Variants in ANKRD31 observed in about 807,000 individuals in gnomAD.
ANKRD31 encodes the protein ankyrin repeat domain-containing protein 31.
Under a neutral mutation model 186.0 loss-of-function variants are expected in ANKRD31, and 147 were observed. The ratio of observed to expected loss-of-function variants is 0.79; its 90% CI spans 0.69 to 0.91. The LOEUF is 0.91. ANKRD31 is among the 40% of genes least tolerant of loss of function. The pLI, the probability that ANKRD31 is intolerant of heterozygous loss-of-function variation, is 0.00. For missense variants in ANKRD31, 1,986 were observed against 2,148.8 expected, an observed-to-expected ratio of 0.92 and a Z score of 1.50; for synonymous variants, 673 against 736.4, an observed-to-expected ratio of 0.91 and a Z score of 1.39.
At chr5:75,101,124 T>A (rs4499813) in intron 22 of ANKRD31, among the ~76,000 whole-genome samples, 2 of 152,084 alleles carry the variant, frequency 1.3e-5, no homozygotes, top group African/African-American at 4.8e-5. Flanking sequence ...GGCCTGGTGG[T>A]GACAAAATCT....
intron 23 of ANKRD31, among the ~76,000 whole-genome samples, chr5:75,087,789 A>G (rs1225218172): frequency 1.3e-5 from 2 of 152,220 alleles, no homozygotes; most frequent in African/African-American, 4.8e-5. Context: ...AATTCATAAT[A>G]TAAGACAGAA....
chr5:75,070,662 T>C (rs1055864108), intron 25 of ANKRD31, among the ~76,000 whole-genome samples: 49 of 152,396 alleles, frequency 3.2e-4, no homozygotes, highest in Middle Eastern at 3.4e-3. Context: ...TCAGTCTTTT[T>C]AAGTTTTGCC....
rs955018772 is a variant in ANKRD31 at position 75,236,582 on chromosome 5, C to T, written c.104+1G>A. The T allele has an allele frequency of 4.6e-6, 7 of 1,536,712 alleles. No individual in the cohort carries two copies. The highest frequency in any genetic ancestry group is 1.7e-4 in the Middle Eastern group (1 of 6,002). The stretch of plus-strand genomic sequence containing the variant: ...GGCACTGTGGCCCTAATGATGGTCA[C>T]CTTCTCCAGGGCAGCTCCTTTTCTT... On this transcript the variant is annotated splice_donor_variant, in intron 1 of 25. Transcript: ENST00000506364. LOFTEE classifies it high-confidence loss of function.
chr5:75,138,035 A>C, intron 16 of ANKRD31, 37 bp from the exon 17 acceptor site: 1 of 1,422,736 alleles, frequency 7.0e-7, no homozygotes, highest in African/African-American at 1.4e-5. Context: ...ACCCTGCTTC[A>C]TGCGAATCAA....
At chr5:75,082,281 T>C (rs1017576001) in intron 24 of ANKRD31, among the ~76,000 whole-genome samples, 1 of 152,126 alleles carries the variant, frequency 6.6e-6, no homozygotes, top group Non-Finnish European at 1.5e-5. Flanking sequence ...TTGGGGCTTG[T>C]TATAGGAAAG....
Position 75,104,958 on chromosome 5 carries a change from G to C in ANKRD31, c.4601C>G (p.Pro1534Arg). Residue 1534 changes from proline to arginine, a missense_variant, in exon 22 of 26, where the codon CCT becomes CGT. Physicochemically the swap from Pro to Arg is moderately radical, Grantham distance 103 (BLOSUM62 -2). Transcript: ENST00000506364. The stretch of plus-strand genomic sequence containing the variant: ...TGTTTCCTGCATGCTTCCAGAAACA[G>C]GAGAAAGTGAACCTGATTGGGGATG... ...LEHPQSGSLS[P>R]VSGSMQETQL... 1.3e-5 allele frequency: 20 copies of C among 1,537,144 alleles called. No homozygotes were observed. The highest frequency in any genetic ancestry group is 1.7e-5 in the Non-Finnish European group (20 of 1,146,880).
rs1580429562 is a variant in ANKRD31, at chr5:75,146,770, C to T, written c.2641G>A (p.Glu881Lys). The change falls in exon 14 of 26, where the codon GAG becomes AAG. Residue 881 changes from glutamate to lysine, a missense_variant. Physicochemically the swap from Glu to Lys is moderately conservative, Grantham distance 56. Coordinates refer to ENST00000506364, the MANE Select transcript of ANKRD31 (RefSeq NM_001372053.1). ...GAATTTTCCCATTTGTTAAATCTCTCATCTTTTGGGACCAAGTTACTGTTT... is the reference window on the plus strand; with the variant it reads ...GAATTTTCCCATTTGTTAAATCTCTTATCTTTTGGGACCAAGTTACTGTTT... The part of the protein sequence containing the change: ...HENSNLVPKD[E>K]RFNKWENSFL... 6.5e-7 allele frequency: 1 copy of T among 1,536,178 alleles called. No individual in the cohort carries two copies. The highest frequency in any genetic ancestry group is 8.7e-7 in the Non-Finnish European group (1 of 1,146,282).
chr5:75,168,355 T>C (rs1233468002), intron 11 of ANKRD31, among the ~76,000 whole-genome samples: 3 of 152,184 alleles, frequency 2.0e-5, no homozygotes, highest in African/African-American at 7.2e-5. Context: ...CTTCAGCAAG[T>C]GCCTCAGCCT....
intron 4 of ANKRD31, among the ~76,000 whole-genome samples, chr5:75,209,214 C>T (rs557562057): frequency 6.6e-6 from 1 of 152,182 alleles, no homozygotes; most frequent in African/African-American, 2.4e-5. Context: ...TAACATCATG[C>T]ATTGGTCTTT....
Position 75,129,471 on chromosome 5 carries a change from A to G in ANKRD31, c.3876+8385T>C, listed in dbSNP as rs532660196. On this transcript the variant is annotated intron_variant, in intron 17 of 25. Coordinates refer to ENST00000506364, the MANE Select transcript of ANKRD31 (RefSeq NM_001372053.1). ...AGCAGATCATAAATTCAGTAATAAC[A>G]TCCTCCACATGGCTATGTGTAGGCT... 6.6e-5 allele frequency among the ~76,000 whole-genome samples: 10 copies of G among 152,324 alleles called. No individual in the cohort carries two copies. In the South Asian group the frequency reaches 2.1e-3, roughly 32 times the overall value.
intron 1 of ANKRD31, among the ~76,000 whole-genome samples, chr5:75,231,855 G>A (rs978344917): frequency 6.6e-6 from 1 of 151,322 alleles, no homozygotes; most frequent in African/African-American, 2.4e-5. Flanking sequence ...AGTGAGCTAT[G>A]ATCAGGCCAT....
intron 15 of ANKRD31, among the ~76,000 whole-genome samples, chr5:75,142,599 T>C (rs891264138): frequency 6.6e-6 from 1 of 152,136 alleles, no homozygotes; most frequent in African/African-American, 2.4e-5. Context: ...TTGATATCTT[T>C]CATATTGGTG....
intron 12 of ANKRD31, among the ~76,000 whole-genome samples, chr5:75,149,903 T>C (rs1271234270): frequency 2.0e-5 from 3 of 151,940 alleles, no homozygotes; most frequent in Non-Finnish European, 2.9e-5. Context: ...GGGACATGGT[T>C]CCTAAGAGAA....
chr5:75,196,794 A>C (rs1755496536), intron 6 of ANKRD31, among the ~76,000 whole-genome samples: 1 of 152,262 alleles, frequency 6.6e-6, no homozygotes, highest in South Asian at 2.1e-4. Flanking sequence ...TATTTTAAGC[A>C]AAAAAACCCA....
chr5:75,145,901 C>A, intron 14 of ANKRD31, 86 bp downstream of exon 14: 2 of 1,195,182 alleles, frequency 1.7e-6, no homozygotes, highest in Non-Finnish European at 2.2e-6. Context: ...GTTTGGCCAT[C>A]GTTTGAATAC....
chr5:75,085,006 C>T (rs1174676356), intron 23 of ANKRD31, among the ~76,000 whole-genome samples: 1 of 152,084 alleles, frequency 6.6e-6, no homozygotes, highest in African/African-American at 2.4e-5. Context: ...GTTCTGGGCC[C>T]AAGGGTCTTT....
rs1747869220 is a variant in ANKRD31 at position 75,112,514 on chromosome 5, T to C, written c.4242A>G (p.Ala1414=). ...LEFEIRNPED[A]EQYIEKMLKI... is the part of the protein sequence containing the mutation. Reference sequence around the variant, plus strand: ...ACTTGAGTATGAGTCTATATTTACCTGCATCTTCAGGGTTTCTTATTTCAA... The same window carrying C: ...ACTTGAGTATGAGTCTATATTTACCCGCATCTTCAGGGTTTCTTATTTCAA... The change falls in exon 20 of 26, where the codon GCA becomes GCG. Residue 1414 remains alanine, a splice_region_variant and synonymous_variant. Coordinates refer to ENST00000506364, the MANE Select transcript of ANKRD31 (RefSeq NM_001372053.1). 6.7e-7 allele frequency: 1 copy of C among 1,482,946 alleles called. No individual in the cohort carries two copies. Among genetic ancestry groups the C allele is most frequent in the East Asian group, 2.5e-5 (1 of 40,412 alleles). 91.9% of individuals were successfully genotyped at this position (1,482,946 alleles called of 1,614,324 possible).
Position 75,146,178 on chromosome 5 carries a change from T to C in ANKRD31, c.3233A>G (p.Asn1078Ser). Reference protein sequence around the residue: ...IDRDQKIIYSNEPLSIVAHSQ... With the variant: ...IDRDQKIIYSSEPLSIVAHSQ... ...ATGAGCAACTATGGATAAAGGCTCA[T>C]TTGAATAAATTATTTTTTGGTCTCT... The change falls in exon 14 of 26, where the codon AAT becomes AGT. Residue 1078 changes from asparagine (N) to serine (S), a missense_variant. Coordinates refer to ENST00000506364, the MANE Select transcript of ANKRD31 (RefSeq NM_001372053.1). The C allele has an allele frequency of 3.9e-6, 6 of 1,535,744 alleles. No homozygotes were observed. Among genetic ancestry groups the C allele is most frequent in the Non-Finnish European group, 5.2e-6 (6 of 1,146,174 alleles).
chr5:75,165,275 T>C (rs1399826279), intron 11 of ANKRD31, among the ~76,000 whole-genome samples: 2 of 152,202 alleles, frequency 1.3e-5, no homozygotes, highest in Non-Finnish European at 2.9e-5. Context: ...AAAGACAGTA[T>C]TCTGACTCTT....
Sources: allele counts gnomAD v4.1 joint callset (sites outside exome capture counted in the v4.1 genomes callset), GRCh38; gene constraint gnomAD v4.1.1; transcripts MANE v1.5; gene names NCBI Gene and HGNC (gene_info 2026-07-23, HGNC 2026-07-21).